KPNA5: variants seen among roughly 807,000 people sequenced by gnomAD.
KPNA5 encodes the protein importin subunit alpha-6.
Under a neutral mutation model 71.3 loss-of-function variants are expected in KPNA5, and 46 were observed. That is an observed-to-expected ratio of 0.65 (90% CI 0.51 to 0.83). The LOEUF is 0.83. KPNA5 is among the 40% of genes least tolerant of loss of function. The pLI is 0.00. For synonymous variants in KPNA5, 207 were observed against 201.4 expected (o/e 1.03, Z -0.24); for missense variants, 547 against 628.3 (o/e 0.87, Z 1.38).
intron 1 of KPNA5, among the ~76,000 whole-genome samples, chr6:116,685,701 G>T (rs1777554509): frequency 6.6e-6 from 1 of 152,070 alleles, no homozygotes; most frequent in African/African-American, 2.4e-5. Flanking sequence ...TGGGCATTTA[G>T]GTTGATTCCA....
At chr6:116,684,960 G>A (rs1777512974) in intron 1 of KPNA5, among the ~76,000 whole-genome samples, 1 of 152,192 alleles carries the variant, frequency 6.6e-6, no homozygotes, top group Non-Finnish European at 1.5e-5. Flanking sequence ...ACTCACTTTG[G>A]AAAGAAGTTT....
chr6:116,709,995 G>A (rs1170954260), intron 7 of KPNA5, among the ~76,000 whole-genome samples: 4 of 151,944 alleles, frequency 2.6e-5, no homozygotes, highest in African/African-American at 7.3e-5. Flanking sequence ...TCCTAACCTC[G>A]TGATCCGCCC....
intron 4 of KPNA5, among the ~76,000 whole-genome samples, chr6:116,692,897 CA>C (rs1777861332): frequency 6.6e-6 from 1 of 152,174 alleles, no homozygotes; most frequent in Non-Finnish European, 1.5e-5. Context: ...CCTCCCACCC[CA>C]CAACAGGCCC....
At chr6:116,682,851 G>C (rs932494909) in intron 1 of KPNA5, among the ~76,000 whole-genome samples, 1 of 152,118 alleles carries the variant, frequency 6.6e-6, no homozygotes, top group Non-Finnish European at 1.5e-5. Context: ...TTCAGTGAAC[G>C]AAACAATCCC....
At chr6:116,730,339 A>T (rs867477199) in intron 13 of KPNA5, among the ~76,000 whole-genome samples, 2 of 151,822 alleles carry the variant, frequency 1.3e-5, no homozygotes, top group Admixed American at 1.3e-4. Flanking sequence ...CAGCCACCTC[A>T]ACCTCCCAAA....
intron 13 of KPNA5, 85 bp from the exon 14 acceptor site, chr6:116,732,051 C>T (rs188505358): frequency 1.3e-5 from 3 of 230,714 alleles, no homozygotes; most frequent in East Asian, 2.0e-4. Flanking sequence ...TAAACATATA[C>T]TGAAATTGTA....
rs1353840525 is a variant in KPNA5 at position 116,733,105 on chromosome 6, AAT to A, written c.*784_*785del. 6 of 151,756 alleles carry A rather than the reference AAT, an allele frequency of 4.0e-5. No individual in the cohort carries two copies. The highest frequency in any genetic ancestry group is 7.4e-5 in the Non-Finnish European group (5 of 67,784). 9.4% of individuals were successfully genotyped at this position (151,756 alleles called of 1,614,324 possible). ...CAACCAAATATGCTACCATTTTTGA[AAT>A]AGTGTTTTATTGTTTTTCACTCATT... On this transcript the variant is annotated 3_prime_UTR_variant, in exon 14 of 14. Coordinates refer to ENST00000368564, the MANE Select transcript of KPNA5 (RefSeq NM_001366306.2).
At chr6:116,686,116 G>A (rs1777576697) in intron 1 of KPNA5, among the ~76,000 whole-genome samples, 1 of 151,978 alleles carries the variant, frequency 6.6e-6, no homozygotes, top group East Asian at 1.9e-4. Context: ...TGTGGCCCAG[G>A]CTGGTCTTGA....
At chr6:116,682,600 A>G (rs747921168) in intron 1 of KPNA5, among the ~76,000 whole-genome samples, 104 of 152,158 alleles carry the variant, frequency 6.8e-4, no homozygotes, top group Non-Finnish European at 1.2e-3. Context: ...GCCCAGCCCC[A>G]TGGAAATGAA....
chr6:116,705,893 A>G (rs1162068783), intron 7 of KPNA5, among the ~76,000 whole-genome samples: 1 of 152,202 alleles, frequency 6.6e-6, no homozygotes, highest in Non-Finnish European at 1.5e-5. Flanking sequence ...ACTAGTTTTC[A>G]AAAAACATTT....
At chr6:116,724,196 C>A (rs1779213838) in intron 9 of KPNA5, 101 bp from the exon 10 acceptor site, 4 of 664,484 alleles carry the variant, frequency 6.0e-6, no homozygotes, top group African/African-American at 3.6e-5. Flanking sequence ...TCAATGGGAT[C>A]TTTGGCTGAA....
chr6:116,727,250 A>C (rs1336776210), intron 12 of KPNA5, among the ~76,000 whole-genome samples: 2 of 151,946 alleles, frequency 1.3e-5, no homozygotes, highest in Non-Finnish European at 2.9e-5. Context: ...CCTCTAATCT[A>C]GTTTCTTCAT....
chr6:116,729,028 C>T (rs1779380693), intron 12 of KPNA5, among the ~76,000 whole-genome samples: 1 of 151,876 alleles, frequency 6.6e-6, no homozygotes, highest in South Asian at 2.1e-4. Context: ...TTCCTACAGG[C>T]CTTCTATCCT....
chr6:116,700,244 G>A (rs924308729), intron 5 of KPNA5, among the ~76,000 whole-genome samples: 1 of 152,076 alleles, frequency 6.6e-6, no homozygotes, highest in Non-Finnish European at 1.5e-5. Context: ...AGCTGAAGAG[G>A]GAGGACCTCT....
chr6:116,698,568 A>G, intron 4 of KPNA5, 136 bp from the exon 5 acceptor site: 1 of 552,936 alleles, frequency 1.8e-6, no homozygotes, highest in Non-Finnish European at 3.2e-6. Flanking sequence ...CTTCAATTAC[A>G]TCTAGCTAAG....
intron 7 of KPNA5, among the ~76,000 whole-genome samples, chr6:116,715,182 T>A (rs1778838459): frequency 6.6e-6 from 1 of 152,150 alleles, no homozygotes; most frequent in South Asian, 2.1e-4. Flanking sequence ...AAACAGGGAT[T>A]TTTTTAACCT....
Position 116,731,893 on chromosome 6 carries a change from C to G in KPNA5, c.1433-243C>G, listed in dbSNP as rs374386809. Among the ~76,000 whole-genome samples the G allele has an allele frequency of 6.6e-5, 10 of 151,588 alleles. No individual in the cohort carries two copies. In the East Asian group the frequency reaches 9.7e-4, roughly 15 times the overall value. ...GGTGTCTGTGATCTTACTCCCAGGC[C>G]TATGGTCCTTCTTCGTATGACACTG... On this transcript the variant is annotated intron_variant, in intron 13 of 13. Transcript: ENST00000368564.
chr6:116,718,894 A>G (rs960517809), intron 8 of KPNA5, among the ~76,000 whole-genome samples: 11 of 151,856 alleles, frequency 7.2e-5, no homozygotes, highest in Non-Finnish European at 2.9e-5. Flanking sequence ...CAGCCCCCCA[A>G]GTAGCTGGGA....
intron 13 of KPNA5, among the ~76,000 whole-genome samples, chr6:116,731,756 C>G (rs765966380): frequency 4.3e-4 from 65 of 151,890 alleles, no homozygotes; most frequent in Non-Finnish European, 8.1e-4. Context: ...CCTTTTTGGG[C>G]TTTGTTAATT....
Sources: allele counts gnomAD v4.1 joint callset (sites outside exome capture counted in the v4.1 genomes callset), GRCh38; gene constraint gnomAD v4.1.1; transcripts MANE v1.5; gene names NCBI Gene and HGNC (gene_info 2026-07-23, HGNC 2026-07-21).